The following CD44 variants were observed in gnomAD, a reference collection of about 807,000 sequenced individuals.
CD44 encodes the protein CD44 molecule (IN blood group).
CD44 carries 49 observed loss-of-function variants against 88.8 expected under a neutral mutation model. The ratio of observed to expected loss-of-function variants is 0.55; its 90% CI spans 0.44 to 0.70. CD44 has a LOEUF of 0.70. Ranked by LOEUF, CD44 falls within the 30% of genes least tolerant of loss-of-function variation. The pLI, the probability that CD44 is intolerant of heterozygous loss-of-function variation, is 0.00. For missense variants in CD44, 883 were observed against 913.8 expected (o/e 0.97, Z 0.43); for synonymous variants, 325 against 312.3 (o/e 1.04, Z -0.43).
chr11:35,144,072 G>A (rs991313986), intron 1 of CD44, among the ~76,000 whole-genome samples: 1 of 152,210 alleles, frequency 6.6e-6, no homozygotes, highest in Non-Finnish European at 1.5e-5. Flanking sequence ...CCAGTGTGTG[G>A]CTCTAGGTGA....
chr11:35,157,062 G>C (rs186011251), intron 1 of CD44, among the ~76,000 whole-genome samples: 1 of 152,270 alleles, frequency 6.6e-6, no homozygotes, highest in East Asian at 1.9e-4. Context: ...GAAATAGCCT[G>C]TCTACTCTAT....
chr11:35,208,597 G>C (rs961753511), intron 12 of CD44, among the ~76,000 whole-genome samples: 1 of 152,118 alleles, frequency 6.6e-6, no homozygotes, highest in African/African-American at 2.4e-5. Flanking sequence ...AGGATTGCTT[G>C]CATGGTTGTA....
chr11:35,148,610 G>A (rs953482080), intron 1 of CD44, among the ~76,000 whole-genome samples: 2 of 152,218 alleles, frequency 1.3e-5, no homozygotes, highest in African/African-American at 4.8e-5. Context: ...AAAAGAGAAA[G>A]TTTAAAGGAT....
Position 35,201,712 on chromosome 11 carries a change from A to T in CD44, c.1078A>T (p.Asn360Tyr). ...NGTTAYEGNW[N>Y]PEAHPPLIHH... ...CACCACTGCTTATGAAGGAAACTGG[A>T]ACCCAGAAGCACACCCTCCCCTCAT... is the stretch of plus-strand genomic sequence containing the variant. The change falls in exon 9 of 18, where the codon AAC becomes TAC. Residue 360 changes from asparagine to tyrosine, a missense_variant. Asn to Tyr is a moderately radical substitution (Grantham distance 143). Coordinates refer to ENST00000428726, the MANE Select transcript of CD44 (RefSeq NM_000610.4). The T allele has an allele frequency of 1.2e-6, 2 of 1,613,822 alleles. No individual in the cohort carries two copies. Among genetic ancestry groups the T allele is most frequent in the Non-Finnish European group, 1.7e-6 (2 of 1,179,748 alleles).
intron 1 of CD44, among the ~76,000 whole-genome samples, chr11:35,149,759 C>T (rs183523348): frequency 6.6e-6 from 1 of 152,182 alleles, no homozygotes; most frequent in African/African-American, 2.4e-5. Context: ...CACAAAACCA[C>T]CATAAGGCAG....
rs763508579 is a variant in CD44 at position 35,229,369 on chromosome 11, G to C, written c.*36G>C. Reference sequence around the variant, plus strand: ...ATTATCTTGGAAAGAAACAACCGTTGGAAACATAACCATTACAGGGAGCTG... The same window carrying C: ...ATTATCTTGGAAAGAAACAACCGTTCGAAACATAACCATTACAGGGAGCTG... On this transcript the variant is annotated 3_prime_UTR_variant, in exon 18 of 18. Coordinates refer to ENST00000428726, the MANE Select transcript of CD44 (RefSeq NM_000610.4). 2 of 1,385,566 alleles carry C rather than the reference G, an allele frequency of 1.4e-6. No individual in the cohort carries two copies. The highest frequency in any genetic ancestry group is 2.0e-6 in the Non-Finnish European group (2 of 976,254). 85.8% of individuals were successfully genotyped at this position (1,385,566 alleles called of 1,614,324 possible). A position where few individuals can be genotyped will look rare whatever the true frequency, so the allele number is the denominator to read the frequency against.
chr11:35,210,072 T>A lies in CD44; in HGVS notation c.1606+18T>A. On this transcript the variant is annotated intron_variant, in intron 13 of 17. Transcript: ENST00000428726. ...ATCAAGCAGTAAGGATTATAAAACC[T>A]AGTTGGCTTCAGCTATTGATAAGAA... is the stretch of plus-strand genomic sequence containing the variant. The A allele has an allele frequency of 6.9e-7, 1 of 1,439,750 alleles. No homozygotes were observed. Among genetic ancestry groups the A allele is most frequent in the Non-Finnish European group, 9.4e-7 (1 of 1,065,666 alleles). 89.2% of individuals were successfully genotyped at this position (1,439,750 alleles called of 1,614,324 possible).
intron 2 of CD44, chr11:35,177,013 A>G (rs1231175509): frequency 2.2e-5 from 8 of 371,432 alleles, no homozygotes; most frequent in Admixed American, 1.3e-4. Flanking sequence ...CTGCTTCCAC[A>G]GAGCTCTCCT....
intron 8 of CD44, 140 bp from the exon 9 acceptor site, chr11:35,201,531 C>A: frequency 1.0e-6 from 1 of 991,988 alleles, no homozygotes; most frequent in Non-Finnish European, 1.5e-6. Context: ...GGTAAAGTCA[C>A]TCAAAATTTT....
rs1950046030 is a variant in CD44, at chr11:35,231,315, A to G, written c.*1982A>G. Reference sequence around the variant, plus strand: ...CAGACAGGCTCACTCAAGCTCTTTAACTGAAAAGCAACAAGCCACTCCAGG... The same window carrying G: ...CAGACAGGCTCACTCAAGCTCTTTAGCTGAAAAGCAACAAGCCACTCCAGG... On this transcript the variant is annotated 3_prime_UTR_variant, in exon 18 of 18. Transcript: ENST00000428726. 6.6e-6 allele frequency: 1 copy of G among 152,118 alleles called. No homozygotes were observed. The highest frequency in any genetic ancestry group is 1.5e-5 in the Non-Finnish European group (1 of 68,040). 9.4% of individuals were successfully genotyped at this position (152,118 alleles called of 1,614,324 possible).
intron 1 of CD44, among the ~76,000 whole-genome samples, chr11:35,154,433 A>C (rs1366946047): frequency 6.6e-6 from 1 of 152,216 alleles, no homozygotes; most frequent in Non-Finnish European, 1.5e-5. Context: ...AGACTTTTTC[A>C]GAACAGCGAG....
At chr11:35,205,125 A>G (rs1351270532) in intron 10 of CD44, among the ~76,000 whole-genome samples, 1 of 152,230 alleles carries the variant, frequency 6.6e-6, no homozygotes, top group Non-Finnish European at 1.5e-5. Flanking sequence ...CCTTTTGGCC[A>G]TGCCTGTTCA....
intron 1 of CD44, among the ~76,000 whole-genome samples, chr11:35,150,251 C>T (rs1375943180): frequency 6.6e-6 from 1 of 152,098 alleles, no homozygotes; most frequent in Non-Finnish European, 1.5e-5. Flanking sequence ...AGGGTGAGTG[C>T]TAGTATCCTA....
At chr11:35,212,102 A>G (rs1396038924) in intron 14 of CD44, among the ~76,000 whole-genome samples, 1 of 152,128 alleles carries the variant, frequency 6.6e-6, no homozygotes, top group African/African-American at 2.4e-5. Flanking sequence ...TTTGACACGG[A>G]CCTAGAATAA....
intron 6 of CD44, chr11:35,197,421 A>G (rs886583458): frequency 6.6e-6 from 1 of 152,222 alleles, no homozygotes; most frequent in Non-Finnish European, 1.5e-5. Flanking sequence ...GAAGTTTTTC[A>G]TCTCCTTTTT....
chr11:35,201,893 T>A, intron 9 of CD44, 106 bp downstream of exon 9: 1 of 1,161,382 alleles, frequency 8.6e-7, no homozygotes, highest in Non-Finnish European at 1.2e-6. Flanking sequence ...CTATTTCCAC[T>A]CGGTAATTTC....
chr11:35,183,412 A>T (rs1343196550), intron 3 of CD44, among the ~76,000 whole-genome samples: 1 of 152,036 alleles, frequency 6.6e-6, no homozygotes, highest in African/African-American at 2.4e-5. Context: ...AATGTCTTGG[A>T]TTAGAGTCAG....
chr11:35,223,273 C>T (rs1486123095), intron 17 of CD44: 1 of 985,268 alleles, frequency 1.0e-6, no homozygotes, highest in South Asian at 4.7e-5. Flanking sequence ...CCTTCAGCTT[C>T]CTCATTTTCC....
In CD44 at chr11:35,223,029, A is replaced by G. The variant is rs187852126; in HGVS notation, c.2024+1297A>G. On this transcript the variant is annotated intron_variant, in intron 17 of 17. Coordinates refer to ENST00000428726, the MANE Select transcript of CD44 (RefSeq NM_000610.4). ...GAGAAAATCAAATGATGCTGTTACAATAATTACGCTGGTACAAGTTAATAA... is the reference window on the plus strand; with the variant it reads ...GAGAAAATCAAATGATGCTGTTACAGTAATTACGCTGGTACAAGTTAATAA... The G allele has an allele frequency of 1.6e-3, 1,550 of 985,424 alleles. 1 individual carries two copies. Among genetic ancestry groups the G allele is most frequent in the Non-Finnish European group, 1.8e-3 (1,485 of 829,892 alleles). 61.0% of individuals were successfully genotyped at this position (985,424 alleles called of 1,614,324 possible).
Sources: allele counts gnomAD v4.1 joint callset (sites outside exome capture counted in the v4.1 genomes callset), GRCh38; gene constraint gnomAD v4.1.1; transcripts MANE v1.5; gene names NCBI Gene and HGNC (gene_info 2026-07-23, HGNC 2026-07-21).